QSER1: variants seen among roughly 807,000 people sequenced by gnomAD.
The protein encoded by QSER1 is glutamine and serine-rich protein 1.
A neutral mutation model predicts 158.5 loss-of-function variants in QSER1; 49 were observed. The observed-to-expected ratio is 0.31, with a 90% CI of 0.25 to 0.39. The LOEUF (loss-of-function observed/expected upper bound fraction) is 0.39. QSER1 is among the 10% of genes least tolerant of loss of function. The pLI, the probability that QSER1 is intolerant of heterozygous loss-of-function variation, is 1.00. For synonymous variants in QSER1, 650 were observed against 715.5 expected, an observed-to-expected ratio of 0.91 and a Z score of 1.46; for missense variants, 1,754 against 2,010.3, an observed-to-expected ratio of 0.87 and a Z score of 2.44.
intron 8 of QSER1, among the ~76,000 whole-genome samples, chr11:32,965,020 C>G (rs1244187074): frequency 2.0e-5 from 3 of 151,420 alleles, no homozygotes; most frequent in Non-Finnish European, 4.4e-5. Flanking sequence ...ACCACTGCAC[C>G]CAACAAGTTA....
At chr11:32,947,205 TG>T (rs1852350683) in intron 4 of QSER1, among the ~76,000 whole-genome samples, 1 of 152,240 alleles carries the variant, frequency 6.6e-6, no homozygotes, top group African/African-American at 2.4e-5. Flanking sequence ...TCGCTCAGGC[TG>T]GGAGCTGTAG....
chr11:32,965,219 C>T (rs1311494055), intron 8 of QSER1, among the ~76,000 whole-genome samples: 1 of 152,136 alleles, frequency 6.6e-6, no homozygotes, highest in East Asian at 1.9e-4. Context: ...TCAAGCAATC[C>T]TCCCGCCTCA....
intron 6 of QSER1, 78 bp downstream of exon 6, chr11:32,955,490 T>A: frequency 1.5e-6 from 1 of 663,628 alleles, no homozygotes; most frequent in East Asian, 3.1e-5. Flanking sequence ...TATAGAAGTA[T>A]TTTATATTGA....
chr11:32,941,098 T>G (rs1314071871), intron 4 of QSER1, among the ~76,000 whole-genome samples: 2 of 151,914 alleles, frequency 1.3e-5, no homozygotes, highest in East Asian at 1.9e-4. Flanking sequence ...CAGTTTATAA[T>G]GCTCTCACTT....
At chr11:32,936,071 G>A (rs1852148504) in intron 4 of QSER1, among the ~76,000 whole-genome samples, 1 of 152,042 alleles carries the variant, frequency 6.6e-6, no homozygotes, top group African/African-American at 2.4e-5. Context: ...TAAGTTTTAG[G>A]GTACATGTGC....
chr11:32,946,251 T>A (rs1401898772), intron 4 of QSER1, among the ~76,000 whole-genome samples: 7 of 152,250 alleles, frequency 4.6e-5, no homozygotes, highest in Admixed American at 4.6e-4. Flanking sequence ...AAAGTCATTC[T>A]CTGTCCAGCT....
intron 10 of QSER1, 92 bp downstream of exon 10, chr11:32,969,235 C>CA: frequency 1.3e-6 from 1 of 795,228 alleles, no homozygotes; most frequent in Non-Finnish European, 2.0e-6. Context: ...TATTCACTTA[C>CA]AACATTTTTC....
At chr11:32,895,124 CAG>C (rs2133481599) in intron 1 of QSER1, among the ~76,000 whole-genome samples, 1 of 152,302 alleles carries the variant, frequency 6.6e-6, no homozygotes, top group East Asian at 1.9e-4. Context: ...TGTTATTTAT[CAG>C]AGTAACACGA....
At position 32,932,395 on chromosome 11, in the gene QSER1, A is replaced by G. The variant is rs765054013; in HGVS notation, c.1137A>G (p.Gln379=). 3.7e-6 allele frequency: 6 copies of G among 1,612,550 alleles called. No individual in the cohort carries two copies. Among genetic ancestry groups the G allele is most frequent in the South Asian group, 3.3e-5 (3 of 91,078 alleles). ...DSTQVSNGGL[Q]QKTSQVSVEL... ...CTCAGGTGAGCAACGGAGGATTACA[A>G]CAGAAGACCTCCCAGGTCTCAGTGG... Residue 379 remains glutamine (Q), a synonymous_variant, in exon 4 of 13, where the codon CAA becomes CAG. Transcript: ENST00000650167.
rs1016244908 is a variant in QSER1 at position 32,934,532 on chromosome 11, G to A, written c.3274G>A (p.Val1092Ile). The A allele has an allele frequency of 2.5e-6, 4 of 1,613,566 alleles. No homozygotes were observed. Among genetic ancestry groups the A allele is most frequent in the Non-Finnish European group, 1.7e-6 (2 of 1,179,980 alleles). ...NIPTKVTSAV[V>I]GPSHEVQEQS... The stretch of plus-strand genomic sequence containing the variant: ...ACCAACTAAAGTAACTTCAGCAGTG[G>A]TTGGACCAAGTCATGAAGTCCAGGA... The change falls in exon 4 of 13, where the codon GTT becomes ATT. Residue 1092 changes from valine (V) to isoleucine (I), a missense_variant. Around this residue, in one of 2 missense-constraint regions of QSER1, gnomAD observed 1,707 missense variants for 1,919.6 expected, o/e 0.89. Transcript: ENST00000650167.
At chr11:32,976,226 T>A in intron 12 of QSER1, 108 bp from the exon 13 acceptor site, 14 of 973,900 alleles carry the variant, frequency 1.4e-5, no homozygotes, top group Non-Finnish European at 2.0e-5. Context: ...GCTGAAATAA[T>A]CATTCTCCAT....
chr11:32,936,704 C>T (rs1297076024), intron 4 of QSER1, among the ~76,000 whole-genome samples: 1 of 152,160 alleles, frequency 6.6e-6, no homozygotes, highest in Non-Finnish European at 1.5e-5. Flanking sequence ...CCAGGTTTTT[C>T]TGGTTCTAGA....
At chr11:32,898,473 G>A (rs1239457147) in intron 1 of QSER1, among the ~76,000 whole-genome samples, 5 of 139,084 alleles carry the variant, frequency 3.6e-5, no homozygotes, top group Non-Finnish European at 1.6e-5. Context: ...GCGACAGAGT[G>A]AGAACCTGTC....
intron 8 of QSER1, among the ~76,000 whole-genome samples, chr11:32,960,690 G>T (rs960435286): frequency 1.3e-5 from 2 of 152,200 alleles, no homozygotes; most frequent in African/African-American, 2.4e-5. Flanking sequence ...CAAAACGTTT[G>T]TTCTGAATTT....
intron 4 of QSER1, among the ~76,000 whole-genome samples, chr11:32,944,768 T>C (rs1215296760): frequency 1.4e-5 from 2 of 140,754 alleles, no homozygotes; most frequent in South Asian, 2.6e-4. Flanking sequence ...GGTGCAGAGC[T>C]GAGTTCAATT....
intron 4 of QSER1, among the ~76,000 whole-genome samples, chr11:32,950,220 G>A (rs1315767539): frequency 2.6e-5 from 4 of 151,758 alleles, no homozygotes; most frequent in East Asian, 1.9e-4. Context: ...TCAGCCTCCC[G>A]AGTAGCTGAG....
intron 4 of QSER1, among the ~76,000 whole-genome samples, chr11:32,951,138 CAT>C (rs896241036): frequency 2.3e-4 from 35 of 152,160 alleles, no homozygotes; most frequent in African/African-American, 6.8e-4. Context: ...TTCTTGCTAA[CAT>C]GTGTTAATGT....
intron 9 of QSER1, among the ~76,000 whole-genome samples, chr11:32,967,512 G>A (rs1029604390): frequency 6.6e-6 from 1 of 152,008 alleles, no homozygotes; most frequent in Non-Finnish European, 1.5e-5. Flanking sequence ...GAAAATAAAA[G>A]GTACAGTAAG....
chr11:32,892,901 G>A lies in QSER1; in HGVS notation c.-225G>A, dbSNP rs1164056848. Among the ~76,000 whole-genome samples, 1 of 139,116 alleles carries A rather than the reference G, an allele frequency of 7.2e-6. No individual in the cohort carries two copies. Among genetic ancestry groups the A allele is most frequent in the Non-Finnish European group, 1.6e-5 (1 of 64,048 alleles). The allele number at this position is 139,116 out of a possible 152,430, so 91.3% of individuals were successfully genotyped here. On this transcript the variant is annotated 5_prime_UTR_variant, in exon 1 of 13. The change abolishes the stop of an existing upstream ORF in the 5' untranslated region. Transcript: ENST00000650167. ...CGGCCGCGGGTGCCTCCGCTTCCCT[G>A]ACGCCCAGCTGGGGCCTCGCCGCCC... is the stretch of plus-strand genomic sequence containing the variant.
Sources: gnomAD v4.1 joint callset for allele counts (sites outside exome capture counted in the v4.1 genomes callset) on GRCh38, gnomAD v4.1.1 for gene constraint, gnomAD v4.1.1 regional missense constraint, MANE v1.5 for transcripts, NCBI Gene and HGNC (gene_info 2026-07-23, HGNC 2026-07-21) for gene names.